The following TAFA4 variants were observed in gnomAD, a reference collection of about 807,000 sequenced individuals.
The protein encoded by TAFA4 is TAFA chemokine like family member 4.
A neutral mutation model predicts 21.1 loss-of-function variants in TAFA4; 20 were observed. The observed-to-expected ratio is 0.95, with a 90% confidence interval of 0.67 to 1.38. The LOEUF is 1.38. Among genes scored for constraint, TAFA4 ranks in the 40% most tolerant of loss-of-function variants. The pLI is 0.00. For missense variants in TAFA4, 211 were observed against 180.9 expected (o/e 1.17, Z -0.95); for synonymous variants, 71 against 67.4 (o/e 1.05, Z -0.26).
At chr3:68,858,747 T>A (rs1467583505) in intron 3 of TAFA4, among the ~76,000 whole-genome samples, 2 of 152,032 alleles carry the variant, frequency 1.3e-5, no homozygotes, top group Non-Finnish European at 2.9e-5. Context: ...ACACAGCTAG[T>A]CTGTGCAGAA....
chr3:68,755,151 C>T (rs1183414845), intron 3 of TAFA4, among the ~76,000 whole-genome samples: 2 of 152,150 alleles, frequency 1.3e-5, no homozygotes, highest in African/African-American at 4.8e-5. Context: ...GCTACTCTCC[C>T]AACAACTCTC....
At chr3:68,907,242 T>G (rs2089910813) in intron 1 of TAFA4, among the ~76,000 whole-genome samples, 1 of 152,052 alleles carries the variant, frequency 6.6e-6, no homozygotes, top group Non-Finnish European at 1.5e-5. Flanking sequence ...CCACAGAAAT[T>G]AATGCTTGTT....
At chr3:68,875,928 AAG>A (rs554609041) in intron 3 of TAFA4, among the ~76,000 whole-genome samples, 2 of 151,962 alleles carry the variant, frequency 1.3e-5, no homozygotes, top group East Asian at 1.9e-4. Flanking sequence ...AAAAAAAAAA[AAG>A]AGAGAGAGAA....
chr3:68,772,739 T>C (rs1575602786), intron 3 of TAFA4, among the ~76,000 whole-genome samples: 1 of 152,148 alleles, frequency 6.6e-6, no homozygotes, highest in South Asian at 2.1e-4. Context: ...GACTGAGGCA[T>C]GCTACCAGCA....
At chr3:68,884,266 G>C (rs1462676157) in intron 2 of TAFA4, among the ~76,000 whole-genome samples, 6 of 152,156 alleles carry the variant, frequency 3.9e-5, no homozygotes, top group Non-Finnish European at 8.8e-5. Flanking sequence ...TTACTGGCTG[G>C]GTTCAGTCAA....
intron 3 of TAFA4, among the ~76,000 whole-genome samples, chr3:68,831,729 G>A (rs1373423442): frequency 6.6e-6 from 1 of 152,162 alleles, no homozygotes; most frequent in Non-Finnish European, 1.5e-5. Flanking sequence ...AATGTGGCCT[G>A]TCTTGTTAGG....
intron 3 of TAFA4, among the ~76,000 whole-genome samples, chr3:68,854,589 C>T (rs758214421): frequency 6.6e-5 from 10 of 151,920 alleles, no homozygotes; most frequent in Non-Finnish European, 1.3e-4. Context: ...GAATAAAGAA[C>T]AAATATATGG....
chr3:68,930,084 G>T (rs2090144921), intron 1 of TAFA4, among the ~76,000 whole-genome samples: 1 of 152,168 alleles, frequency 6.6e-6, no homozygotes, highest in Non-Finnish European at 1.5e-5. Context: ...ATTAGGAAAA[G>T]GCTAGGTACC....
chr3:68,930,491 G>T (rs2090149717), intron 1 of TAFA4, among the ~76,000 whole-genome samples: 1 of 152,194 alleles, frequency 6.6e-6, no homozygotes, highest in South Asian at 2.1e-4. Context: ...CAGTTAAGAT[G>T]GTACTGAGGG....
chr3:68,884,861 A>C (rs570081796), intron 2 of TAFA4, among the ~76,000 whole-genome samples: 1 of 152,258 alleles, frequency 6.6e-6, no homozygotes, highest in African/African-American at 2.4e-5. Context: ...ACTTAACAAT[A>C]GCTCAACAAC....
At chr3:68,810,990 C>G (rs1461170358) in intron 3 of TAFA4, among the ~76,000 whole-genome samples, 1 of 152,196 alleles carries the variant, frequency 6.6e-6, no homozygotes, top group Non-Finnish European at 1.5e-5. Context: ...GAGGAACAAT[C>G]AGGCTGCAAC....
chr3:68,770,742 C>G (rs553938084), intron 3 of TAFA4, among the ~76,000 whole-genome samples: 2 of 152,224 alleles, frequency 1.3e-5, no homozygotes, highest in South Asian at 4.2e-4. Flanking sequence ...TTTGTGCAAC[C>G]CATCTCTTAC....
At chr3:68,821,939 G>A (rs1704121175) in intron 3 of TAFA4, among the ~76,000 whole-genome samples, 1 of 152,114 alleles carries the variant, frequency 6.6e-6, no homozygotes, top group Non-Finnish European at 1.5e-5. Context: ...TGCTTCTCCG[G>A]TAATTCTGCA....
chr3:68,794,503 C>G (rs752037640), intron 3 of TAFA4, among the ~76,000 whole-genome samples: 6 of 152,146 alleles, frequency 3.9e-5, no homozygotes, highest in African/African-American at 7.2e-5. Context: ...TCTCCTCCCC[C>G]GCACCATTCA....
intron 3 of TAFA4, among the ~76,000 whole-genome samples, chr3:68,780,102 A>G (rs979434545): frequency 6.6e-6 from 1 of 152,200 alleles, no homozygotes; most frequent in Non-Finnish European, 1.5e-5. Context: ...TAGGACTTGC[A>G]TGGGGCATGT....
At chr3:68,800,525 T>C (rs1429992081) in intron 3 of TAFA4, among the ~76,000 whole-genome samples, 1 of 152,150 alleles carries the variant, frequency 6.6e-6, no homozygotes, top group East Asian at 1.9e-4. Flanking sequence ...AACCATGGAG[T>C]GGACGTTACC....
At chr3:68,848,615 G>A (rs1034774126) in intron 3 of TAFA4, among the ~76,000 whole-genome samples, 5 of 152,170 alleles carry the variant, frequency 3.3e-5, no homozygotes, top group Non-Finnish European at 7.3e-5. Context: ...AAATGGACAA[G>A]CATATTTAAT....
chr3:68,901,655 C>T (rs899059816), intron 1 of TAFA4, among the ~76,000 whole-genome samples: 1 of 152,120 alleles, frequency 6.6e-6, no homozygotes, highest in East Asian at 1.9e-4. Flanking sequence ...TGGACAGTAC[C>T]GTTCTAGAAC....
At chr3:68,817,874 T>C (rs971685517) in intron 3 of TAFA4, among the ~76,000 whole-genome samples, 1 of 152,152 alleles carries the variant, frequency 6.6e-6, no homozygotes, top group Non-Finnish European at 1.5e-5. Context: ...AGACTTAGCA[T>C]AACTCTGAGG....
Sources: allele counts gnomAD v4.1 joint callset (sites outside exome capture counted in the v4.1 genomes callset), GRCh38; gene constraint gnomAD v4.1.1; transcripts MANE v1.5; gene names NCBI Gene and HGNC (gene_info 2026-07-23, HGNC 2026-07-21).